The following ZNF44 variants were observed in gnomAD, a reference collection of about 807,000 sequenced individuals.
ZNF44 encodes zinc finger protein 44.
Under a neutral mutation model 11.7 loss-of-function variants are expected in ZNF44, and 9 were observed. That is an observed-to-expected ratio of 0.77 (90% CI 0.46 to 1.35). The LOEUF is 1.35. Among genes scored for constraint, ZNF44 ranks in the 40% most tolerant of loss-of-function variants. The pLI is 0.00. For synonymous variants in ZNF44, 224 were observed against 242.7 expected (o/e 0.92, Z 0.72); for missense variants, 696 against 743.1 (o/e 0.94, Z 0.74).
At chr19:12,290,964 A>G (rs1967985302) in intron 1 of ZNF44, 1 of 196,794 alleles carries the variant, frequency 5.1e-6, no homozygotes, top group Non-Finnish European at 1.0e-5. Flanking sequence ...CAAACAAACA[A>G]AACTCCATGT....
chr19:12,232,189 G>A (rs1047917632), intron 2 of ZNF44, among the ~76,000 whole-genome samples: 6 of 152,316 alleles, frequency 3.9e-5, no homozygotes, highest in South Asian at 4.1e-4. Context: ...ATTGCTGCCC[G>A]CATGTCCCAC....
At chr19:12,286,195 T>C (rs1967741945) in intron 1 of ZNF44, among the ~76,000 whole-genome samples, 1 of 152,232 alleles carries the variant, frequency 6.6e-6, no homozygotes, top group African/African-American at 2.4e-5. Flanking sequence ...TTGATGTCTC[T>C]GAATCAAATC....
intron 1 of ZNF44, among the ~76,000 whole-genome samples, chr19:12,282,969 A>G (rs557252567): frequency 6.6e-6 from 1 of 152,198 alleles, no homozygotes; most frequent in Non-Finnish European, 1.5e-5. Context: ...CTTCAAGGAA[A>G]ATGACAATTC....
chr19:12,268,740 ATTTTT>A (rs34705958), downstream of ZNF44, among the ~76,000 whole-genome samples: 1 of 137,550 alleles, frequency 7.3e-6, no homozygotes, highest in African/African-American at 2.7e-5. Context: ...TGCCTGGCTA[ATTTTT>A]TTTTTTTTTT....
chr19:12,279,424 A>G (rs558205362), intron 1 of ZNF44, among the ~76,000 whole-genome samples: 234 of 152,280 alleles, frequency 1.5e-3, no homozygotes, highest in African/African-American at 5.5e-3. Flanking sequence ...ATTAAGGGGC[A>G]AAAATCTGAT....
intron 1 of ZNF44, among the ~76,000 whole-genome samples, chr19:12,293,997 AG>A (rs1346947151): frequency 2.0e-5 from 3 of 151,064 alleles, no homozygotes; most frequent in Non-Finnish European, 4.5e-5. Flanking sequence ...GCTGCTTCAC[AG>A]GAAGCCGCCT....
At chr19:12,238,499 G>A (rs979168111), upstream of ZNF44, among the ~76,000 whole-genome samples, 5 of 152,016 alleles carry the variant, frequency 3.3e-5, no homozygotes, top group South Asian at 2.1e-4. Context: ...GTGGTGGCAC[G>A]TGCCTGTAGT....
intron 5 of ZNF44, among the ~76,000 whole-genome samples, chr19:12,264,173 T>C (rs758269306): frequency 6.6e-6 from 1 of 152,146 alleles, no homozygotes; most frequent in Non-Finnish European, 1.5e-5. Flanking sequence ...TATCACGCTG[T>C]TCCCCTCCCC....
intron 1 of ZNF44, chr19:12,293,422 A>G: frequency 6.7e-7 from 1 of 1,502,652 alleles, no homozygotes; most frequent in Non-Finnish European, 8.9e-7. Flanking sequence ...CCTGTAAAGG[A>G]CATACTGAGA....
At chr19:12,283,238 G>A (rs1394153022) in intron 1 of ZNF44, among the ~76,000 whole-genome samples, 1 of 152,190 alleles carries the variant, frequency 6.6e-6, no homozygotes, top group Non-Finnish European at 1.5e-5. Context: ...AAAGTTTATA[G>A]CCAGTTTCAA....
At chr19:12,281,251 GAATT>G (rs1482189442) in intron 1 of ZNF44, among the ~76,000 whole-genome samples, 2 of 152,090 alleles carry the variant, frequency 1.3e-5, no homozygotes, top group African/African-American at 4.8e-5. Flanking sequence ...AATCATATTA[GAATT>G]AATGTAAAAA....
At chr19:12,229,953 A>C (rs1230730915) in intron 3 of ZNF44, among the ~76,000 whole-genome samples, 1 of 152,106 alleles carries the variant, frequency 6.6e-6, no homozygotes, top group African/African-American at 2.4e-5. Flanking sequence ...GAGAGGTGCA[A>C]ACTTGACACA....
At chr19:12,284,000 T>C (rs765249601) in intron 1 of ZNF44, among the ~76,000 whole-genome samples, 15 of 152,136 alleles carry the variant, frequency 9.9e-5, no homozygotes, top group African/African-American at 2.7e-4. Context: ...AAATAAAAAA[T>C]TTAGGAAGAG....
chr19:12,278,234 T>C (rs1967315117), intron 1 of ZNF44, among the ~76,000 whole-genome samples: 1 of 152,248 alleles, frequency 6.6e-6, no homozygotes, highest in South Asian at 2.1e-4. Context: ...GACAAGTTCC[T>C]GCTGCAGATA....
chr19:12,255,974 T>C (rs1599504908), intron 5 of ZNF44, among the ~76,000 whole-genome samples: 1 of 131,758 alleles, frequency 7.6e-6, no homozygotes, highest in South Asian at 2.4e-4. Context: ...GAGGCGGAGG[T>C]TGCAGTGAGC....
chr19:12,280,235 A>T (rs915020525), intron 1 of ZNF44, among the ~76,000 whole-genome samples: 1 of 152,096 alleles, frequency 6.6e-6, no homozygotes, highest in African/African-American at 2.4e-5. Flanking sequence ...AAAAATAATA[A>T]TATCAACAAT....
Position 12,273,515 on chromosome 19 carries a change from T to C in ZNF44, c.740A>G (p.His247Arg). 3 of 1,614,138 alleles carry C rather than the reference T, an allele frequency of 1.9e-6. No homozygotes were observed. Among genetic ancestry groups the C allele is most frequent in the Non-Finnish European group, 2.5e-6 (3 of 1,180,028 alleles). ...YSSYLRHEKI[H>R]TGEKPYECKQ... ...ACATTCATACGGTTTCTCCCCAGTG[T>C]GTATTTTTTCATGTCTTAGATAGGA... Residue 247 changes from histidine to arginine, a missense_variant, in exon 4 of 4, where the codon CAC (histidine) becomes CGC (arginine). Physicochemically the swap from His to Arg is conservative, Grantham distance 29. Transcript: ENST00000355684.
At chr19:12,241,561 G>A (rs934217734), upstream of ZNF44, among the ~76,000 whole-genome samples, 50 of 152,158 alleles carry the variant, frequency 3.3e-4, no homozygotes, top group Non-Finnish European at 4.4e-5. Flanking sequence ...TGGGCATAGT[G>A]GCAGACACCT....
At chr19:12,271,378 G>A (rs1392123712), downstream of ZNF44, among the ~76,000 whole-genome samples, 2 of 152,154 alleles carry the variant, frequency 1.3e-5, no homozygotes, top group Non-Finnish European at 2.9e-5. Context: ...CCCTCAAGCT[G>A]AACAGATGCT....
Sources: gnomAD v4.1 joint callset for allele counts (sites outside exome capture counted in the v4.1 genomes callset) on GRCh38, gnomAD v4.1.1 for gene constraint, MANE v1.5 for transcripts, NCBI Gene and HGNC (gene_info 2026-07-23, HGNC 2026-07-21) for gene names.